SLC27A5: variants seen among roughly 807,000 people sequenced by gnomAD.
SLC27A5 encodes the protein long-chain fatty acid transport protein 5.
Under a neutral mutation model 63.1 loss-of-function variants are expected in SLC27A5, and 47 were observed. The observed-to-expected ratio is 0.74, with a 90% CI of 0.59 to 0.95. The LOEUF is 0.95. Among genes scored for constraint, SLC27A5 ranks in the 40% least tolerant of loss-of-function variants. The pLI, the probability that SLC27A5 is intolerant of heterozygous loss-of-function variation, is 0.00. For missense variants in SLC27A5, 940 were observed against 921.0 expected (o/e 1.02, Z -0.27); for synonymous variants, 391 against 403.8 (o/e 0.97, Z 0.38).
At chr19:58,499,937 A>G (rs752135649) in intron 6 of SLC27A5, among the ~76,000 whole-genome samples, 1 of 152,114 alleles carries the variant, frequency 6.6e-6, no homozygotes, top group African/African-American at 2.4e-5. Context: ...CAGGAAAAGG[A>G]TAACAAGGGA....
At chr19:58,502,350 G>A (rs1473160273) in intron 3 of SLC27A5, among the ~76,000 whole-genome samples, 3 of 149,506 alleles carry the variant, frequency 2.0e-5, no homozygotes, top group East Asian at 4.0e-4. Flanking sequence ...TGAGTGGATG[G>A]ATGGGTGGAC....
chr19:58,510,154 C>G (rs773437812), intron 2 of SLC27A5, 149 bp from the exon 3 acceptor site: 9 of 700,256 alleles, frequency 1.3e-5, no homozygotes, highest in Non-Finnish European at 2.0e-5. Context: ...TGGTTGGGTT[C>G]ACAGGCTGAA....
chr19:58,506,900 T>C (rs1043003780), intron 3 of SLC27A5, among the ~76,000 whole-genome samples: 1 of 151,216 alleles, frequency 6.6e-6, no homozygotes, highest in Admixed American at 6.6e-5. Flanking sequence ...TGAGCCACCA[T>C]GACTGGCTAA....
intron 3 of SLC27A5, chr19:58,507,387 C>T (rs2053359596): frequency 6.6e-6 from 1 of 152,166 alleles, no homozygotes; most frequent in South Asian, 2.0e-4. Flanking sequence ...TATCACTTCC[C>T]AAATAATACT....
intron 3 of SLC27A5, among the ~76,000 whole-genome samples, chr19:58,503,964 A>C (rs183519771): frequency 2.6e-5 from 4 of 151,758 alleles, no homozygotes; most frequent in African/African-American, 9.7e-5. Flanking sequence ...AATACAAAAA[A>C]ATTAGCTGGG....
chr19:58,499,027 C>T lies in SLC27A5; in HGVS notation c.1765+96G>A. 3.8e-6 allele frequency: 6 copies of T among 1,594,878 alleles called. No individual in the cohort carries two copies. In the South Asian group the frequency reaches 5.6e-5, roughly 15 times the overall value. On this transcript the variant is annotated intron_variant, in intron 8 of 9. Coordinates refer to ENST00000263093, the MANE Select transcript of SLC27A5 (RefSeq NM_012254.3). ...TGTGAGAGCCAGCAAGTCTCTAAAC[C>T]TCTCTGGGCCCTAGCACTTCCCCAC... is the stretch of plus-strand genomic sequence containing the variant.
At position 58,498,894 on chromosome 19, in the gene SLC27A5, A is replaced by G; in HGVS notation, c.1787T>C (p.Met596Thr). ...GCCGGGGGCTAGCTGCACAGCAGCC[A>G]TGCCCACCTTACCCTCACAACCTAG... ...CVPGCEGKVG[M>T]AAVQLAPGQT... The change falls in exon 9 of 10, where the codon ATG becomes ACG. Residue 596 changes from methionine to threonine, a missense_variant. Met to Thr is a moderately conservative substitution (Grantham distance 81). Coordinates refer to ENST00000263093, the MANE Select transcript of SLC27A5 (RefSeq NM_012254.3). 1 of 1,613,246 alleles carries G rather than the reference A, an allele frequency of 6.2e-7. No homozygotes were observed. The highest frequency in any genetic ancestry group is 8.5e-7 in the Non-Finnish European group (1 of 1,180,012).
At chr19:58,511,064 C>A in intron 1 of SLC27A5, 134 bp from the exon 2 acceptor site, 1 of 922,136 alleles carries the variant, frequency 1.1e-6, no homozygotes, top group East Asian at 2.7e-5. Context: ...GTAAAGAATC[C>A]CATCATTAGT....
chr19:58,504,519 C>T (rs1035187524), intron 3 of SLC27A5, among the ~76,000 whole-genome samples: 2 of 129,976 alleles, frequency 1.5e-5, no homozygotes, highest in African/African-American at 3.0e-5. Flanking sequence ...TGTGGCGGTG[C>T]GTGCCTGTAA....
chr19:58,508,641 T>C (rs2053374417), intron 3 of SLC27A5: 1 of 152,134 alleles, frequency 6.6e-6, no homozygotes, highest in Admixed American at 6.6e-5. Context: ...AAAATTTTTT[T>C]TTAACAGATG....
At position 58,509,875 on chromosome 19, in the gene SLC27A5, G is replaced by A. The variant is rs754141923; in HGVS notation, c.1029C>T (p.Val343=). The A allele has an allele frequency of 5.0e-6, 8 of 1,613,316 alleles. No individual in the cohort carries two copies. Among genetic ancestry groups the A allele is most frequent in the African/African-American group, 1.3e-5 (1 of 74,880 alleles). Residue 343 remains valine, a synonymous_variant, in exon 3 of 10, where the codon GTC becomes GTT. Transcript: ENST00000263093. ...GATCTAAGCAGCCGAGGATCCCAAC[G>A]ACAAGTCCCATCACGTGGTACAGAG... ...VLPLYHVMGL[V]VGILGCLDLG...
chr19:58,506,896 A>G (rs1341867490), intron 3 of SLC27A5, among the ~76,000 whole-genome samples: 1 of 151,918 alleles, frequency 6.6e-6, no homozygotes, highest in Non-Finnish European at 1.5e-5. Context: ...GGCGTGAGCC[A>G]CCATGACTGG....
At position 58,500,523 on chromosome 19, in the gene SLC27A5, A is replaced by C. The variant is rs1431114654; in HGVS notation, c.1366T>G (p.Cys456Gly). ...GRCGALGKMS[C>G]LLRMLSPFEL... is the part of the protein sequence containing the mutation. Reference sequence around the variant, plus strand: ...ACCCGCACACTCACTCGGAGGAGGCAGCTCATCTTGCCCAGGGCCCCGCAG... The same window carrying C: ...ACCCGCACACTCACTCGGAGGAGGCCGCTCATCTTGCCCAGGGCCCCGCAG... Residue 456 changes from cysteine (C) to glycine (G), a missense_variant, in exon 5 of 10, where the codon TGC (cysteine) becomes GGC (glycine). Physicochemically the swap from Cys to Gly is radical, Grantham distance 159. Transcript: ENST00000263093. 1 of 1,613,926 alleles carries C rather than the reference A, an allele frequency of 6.2e-7. No homozygotes were observed. The highest frequency in any genetic ancestry group is 8.5e-7 in the Non-Finnish European group (1 of 1,179,998).
chr19:58,511,171 G>T, intron 1 of SLC27A5, 97 bp downstream of exon 1: 1 of 1,294,852 alleles, frequency 7.7e-7, no homozygotes, highest in Non-Finnish European at 1.0e-6. Context: ...AAGTAGGCAG[G>T]TGGGGACCAA....
chr19:58,499,273 C>G, intron 7 of SLC27A5, 53 bp from the exon 8 acceptor site: 2 of 1,545,074 alleles, frequency 1.3e-6, no homozygotes, highest in Non-Finnish European at 1.8e-6. Flanking sequence ...GGAGAGGCCC[C>G]GCCTCTTGCC....
In SLC27A5 at chr19:58,498,857, G is replaced by T. The variant is rs1415936779; in HGVS notation, c.1824C>A (p.Asp608Glu). 1 of 1,613,592 alleles carries T rather than the reference G, an allele frequency of 6.2e-7. No individual in the cohort carries two copies. Among genetic ancestry groups the T allele is most frequent in the African/African-American group, 1.3e-5 (1 of 74,930 alleles). ...AVQLAPGQTFDGEKLYQHVRA... is the reference protein window; with the variant it reads ...AVQLAPGQTFEGEKLYQHVRA... ...GAACGTGCTGGTACAACTTCTCCCC[G>T]TCGAAAGTCTGGCCGGGGGCTAGCT... Residue 608 changes from aspartate to glutamate, a missense_variant, in exon 9 of 10, where the codon GAC (aspartate) becomes GAA (glutamate). Asp to Glu is a conservative substitution (Grantham distance 45, BLOSUM62 2). Transcript: ENST00000263093.
rs373781135 is a variant in SLC27A5 at position 58,511,709 on chromosome 19, C to A, written c.247G>T (p.Gly83Ter). The A allele has an allele frequency of 3.3e-5, 51 of 1,561,668 alleles. No individual in the cohort carries two copies. The highest frequency in any genetic ancestry group is 4.3e-5 in the Non-Finnish European group (50 of 1,152,654). ...LTLLPARLPP[G>*]LRWLPADVIF... ...ACATCAGCCGGCAGCCAGCGTAGTCCTGGGGGCAGCCGTGCTGGCAGGAGG... is the reference window on the plus strand; with the variant it reads ...ACATCAGCCGGCAGCCAGCGTAGTCATGGGGGCAGCCGTGCTGGCAGGAGG... The change falls in exon 1 of 10, where the codon GGA becomes TGA. Residue 83 changes from glycine (G) to a stop codon, truncating the protein, a stop_gained. Transcript: ENST00000263093. LOFTEE classifies it high-confidence loss of function.
chr19:58,511,179 C>G, intron 1 of SLC27A5, 89 bp downstream of exon 1: 2 of 1,371,722 alleles, frequency 1.5e-6, no homozygotes, highest in East Asian at 4.7e-5. Flanking sequence ...AGGTGGGGAC[C>G]AAGGGCCTCT....
intron 3 of SLC27A5, among the ~76,000 whole-genome samples, chr19:58,502,780 T>TA (rs1317689335): frequency 2.8e-5 from 4 of 144,964 alleles, no homozygotes; most frequent in Admixed American, 2.7e-4. Flanking sequence ...GGTGGACAGT[T>TA]AGAGTAGTGA....
Sources: allele counts gnomAD v4.1 joint callset (sites outside exome capture counted in the v4.1 genomes callset), GRCh38; gene constraint gnomAD v4.1.1; transcripts MANE v1.5; gene names NCBI Gene and HGNC (gene_info 2026-07-23, HGNC 2026-07-21).